THRB: variants seen among roughly 807,000 people sequenced by gnomAD.
THRB encodes the protein nuclear receptor subfamily 1 group A member 2.
A neutral mutation model predicts 47.8 loss-of-function variants in THRB; 12 were observed. That is an observed-to-expected ratio of 0.25 (90% CI 0.16 to 0.41). The LOEUF is 0.41. Among genes scored for constraint, THRB ranks in the 10% least tolerant of loss-of-function variants. The pLI, the probability that THRB is intolerant of heterozygous loss-of-function variation, is 1.00. For missense variants in THRB, 348 were observed against 589.2 expected (o/e 0.59, Z 4.24); for synonymous variants, 218 against 212.2 (o/e 1.03, Z -0.24).
intron 1 of THRB, among the ~76,000 whole-genome samples, chr3:24,339,666 T>C (rs939735845): frequency 6.6e-6 from 1 of 151,990 alleles, no homozygotes; most frequent in Non-Finnish European, 1.5e-5. Flanking sequence ...GTTCTTCAAG[T>C]AGACAAATTG....
At chr3:24,281,142 C>G (rs934325798) in intron 3 of THRB, among the ~76,000 whole-genome samples, 16 of 152,092 alleles carry the variant, frequency 1.1e-4, no homozygotes, top group African/African-American at 3.9e-4. Context: ...TTGTCAGATT[C>G]ACCAAAGCTG....
intron 5 of THRB, among the ~76,000 whole-genome samples, chr3:24,172,247 C>A (rs544586280): frequency 1.3e-5 from 2 of 152,064 alleles, no homozygotes; most frequent in African/African-American, 4.8e-5. Flanking sequence ...AGATTACACA[C>A]CAAGAACAGA....
At chr3:24,436,283 A>C (rs2070939429) in intron 1 of THRB, among the ~76,000 whole-genome samples, 1 of 152,160 alleles carries the variant, frequency 6.6e-6, no homozygotes, top group African/African-American at 2.4e-5. Flanking sequence ...AGTTACAGAG[A>C]GGAAAGCCCA....
At chr3:24,386,315 C>T (rs1049886179) in intron 1 of THRB, among the ~76,000 whole-genome samples, 1 of 152,058 alleles carries the variant, frequency 6.6e-6, no homozygotes, top group African/African-American at 2.4e-5. Flanking sequence ...AAAGTGCCTC[C>T]CCAATATTTA....
intron 1 of THRB, among the ~76,000 whole-genome samples, chr3:24,396,414 A>G (rs2066967387): frequency 6.6e-6 from 1 of 152,082 alleles, no homozygotes. Flanking sequence ...GTAAAATGCC[A>G]CAGTATTCAC....
chr3:24,248,551 G>A (rs1000350098), intron 3 of THRB, among the ~76,000 whole-genome samples: 2 of 152,126 alleles, frequency 1.3e-5, no homozygotes, highest in South Asian at 2.1e-4. Flanking sequence ...CTGTGATGCT[G>A]GGGCTGGGAT....
chr3:24,209,319 T>C (rs931404378), intron 4 of THRB, among the ~76,000 whole-genome samples: 3 of 152,306 alleles, frequency 2.0e-5, no homozygotes, highest in East Asian at 3.9e-4. Flanking sequence ...AGCCATCCCA[T>C]TACTGGGTAT....
chr3:24,341,914 A>G (rs1164129419), intron 1 of THRB, among the ~76,000 whole-genome samples: 5 of 152,270 alleles, frequency 3.3e-5, no homozygotes, highest in African/African-American at 1.2e-4. Context: ...AGTCCCATCC[A>G]TATAAGACAG....
chr3:24,430,689 A>G (rs961675996), intron 1 of THRB: 1 of 152,118 alleles, frequency 6.6e-6, no homozygotes, highest in East Asian at 1.9e-4. Flanking sequence ...TTGAAAAATT[A>G]CTAACCATAA....
At chr3:24,136,496 A>G (rs1400974983) in intron 8 of THRB, among the ~76,000 whole-genome samples, 1 of 152,254 alleles carries the variant, frequency 6.6e-6, no homozygotes, top group African/African-American at 2.4e-5. Context: ...TATAACAAAA[A>G]TACATAATTT....
intron 3 of THRB, among the ~76,000 whole-genome samples, chr3:24,260,595 T>C (rs1284513402): frequency 6.6e-6 from 1 of 152,194 alleles, no homozygotes; most frequent in East Asian, 1.9e-4. Flanking sequence ...ATCATACTGA[T>C]GGGCTCTGGG....
intron 3 of THRB, among the ~76,000 whole-genome samples, chr3:24,262,054 C>T (rs185812701): frequency 1.3e-5 from 2 of 152,276 alleles, no homozygotes; most frequent in East Asian, 3.9e-4. Flanking sequence ...GACCCCAGAC[C>T]TCTCCTTGAA....
intron 2 of THRB, among the ~76,000 whole-genome samples, chr3:24,319,602 C>A (rs1324120033): frequency 6.6e-6 from 1 of 152,182 alleles, no homozygotes; most frequent in Non-Finnish European, 1.5e-5. Context: ...GGGCAAACTT[C>A]AGTGTTGCTG....
In THRB at chr3:24,332,783, G is replaced by A. The variant is rs186766422; in HGVS notation, c.-189+4517C>T. On this transcript the variant is annotated intron_variant, in intron 2 of 10. Coordinates refer to ENST00000646209, the MANE Select transcript of THRB (RefSeq NM_001354712.2). ...GATAAAACTCAAACACGGGCTGGGC[G>A]CAGTGGCTCACGCCTGTAATCTCAG... Among the ~76,000 whole-genome samples the A allele has an allele frequency of 3.1e-4, 47 of 152,294 alleles. No homozygotes were observed. The South Asian group carries it at 6.8e-3, about 22-fold the overall frequency.
At chr3:24,402,168 G>C (rs1577335485) in intron 1 of THRB, among the ~76,000 whole-genome samples, 1 of 152,188 alleles carries the variant, frequency 6.6e-6, no homozygotes, top group Non-Finnish European at 1.5e-5. Context: ...GCCGACACAA[G>C]GAGAGGCACC....
intron 4 of THRB, among the ~76,000 whole-genome samples, chr3:24,191,725 C>T (rs1309472968): frequency 6.6e-6 from 1 of 152,254 alleles, no homozygotes; most frequent in African/African-American, 2.4e-5. Context: ...GTTGCATTTA[C>T]CCTTCCGGGT....
At chr3:24,253,856 T>C (rs1559743303) in intron 3 of THRB, among the ~76,000 whole-genome samples, 1 of 152,096 alleles carries the variant, frequency 6.6e-6, no homozygotes, top group Non-Finnish European at 1.5e-5. Flanking sequence ...GCAGAACTTG[T>C]AAGCCCTGTC....
chr3:24,324,473 G>A (rs1178746281), intron 2 of THRB, among the ~76,000 whole-genome samples: 1 of 152,054 alleles, frequency 6.6e-6, no homozygotes, highest in Non-Finnish European at 1.5e-5. Context: ...TTGAGAAATT[G>A]TGTTGCTAGT....
At chr3:24,172,700 G>A (rs1212686396) in intron 5 of THRB, among the ~76,000 whole-genome samples, 2 of 152,132 alleles carry the variant, frequency 1.3e-5, no homozygotes, top group African/African-American at 4.8e-5. Context: ...GAACATTGAA[G>A]CAGGAACAAG....
Sources: gnomAD v4.1 joint callset for allele counts (sites outside exome capture counted in the v4.1 genomes callset) on GRCh38, gnomAD v4.1.1 for gene constraint, MANE v1.5 for transcripts, NCBI Gene and HGNC (gene_info 2026-07-23, HGNC 2026-07-21) for gene names.